The following GGNBP2 variants were observed in gnomAD, a reference collection of about 807,000 sequenced individuals.
GGNBP2 encodes the protein gametogenetin binding protein 2.
A neutral mutation model predicts 85.9 loss-of-function variants in GGNBP2; 10 were observed. That is an observed-to-expected ratio of 0.12 (90% CI 0.07 to 0.20). The LOEUF (loss-of-function observed/expected upper bound fraction) is 0.20. Among genes scored for constraint, GGNBP2 ranks in the 10% least tolerant of loss-of-function variants. The probability of loss-of-function intolerance (pLI) is 1.00; values close to 1 mark genes in which losing one functional copy is unlikely to be tolerated. For synonymous variants in GGNBP2, 287 were observed against 285.7 expected (o/e 1.00, Z -0.05); for missense variants, 595 against 857.8 (o/e 0.69, Z 3.83).
chr17:36,558,432 AAAAAAAG>A lies in GGNBP2; in HGVS notation c.428+1097_428+1103del, dbSNP rs1427397181. Among the ~76,000 whole-genome samples, 3 of 149,712 alleles carry A rather than the reference AAAAAAAG, an allele frequency of 2.0e-5. 1 individual carries two copies. ...TCCATCTCAAAAAAAAAAAAAAAAAAAAAAAAGGTAATAAAAGGTCCAGTCATATTTT... is the reference window on the plus strand; with the variant it reads ...TCCATCTCAAAAAAAAAAAAAAAAAAGTAATAAAAGGTCCAGTCATATTTT... On this transcript the variant is annotated intron_variant, in intron 4 of 13. Transcript: ENST00000613102.
intron 6 of GGNBP2, 179 bp from the exon 7 acceptor site, chr17:36,577,802 CTG>C (rs2074606822): frequency 1.6e-6 from 1 of 614,072 alleles, no homozygotes; most frequent in South Asian, 2.0e-5. Context: ...GAAGGTCTAT[CTG>C]TATTTATGCA....
chr17:36,552,532 G>A (rs935679696), intron 2 of GGNBP2, among the ~76,000 whole-genome samples: 1 of 134,496 alleles, frequency 7.4e-6, no homozygotes, highest in East Asian at 2.2e-4. Context: ...ATGTATGAAA[G>A]TGCTTATAAC....
intron 6 of GGNBP2, chr17:36,576,591 A>G (rs1255675760): frequency 1.4e-3 from 70 of 49,152 alleles, no homozygotes; most frequent in African/African-American, 5.8e-3. Context: ...AAAAATATAT[A>G]TATATGTGTG....
chr17:36,567,916 T>C (rs2074484109), intron 6 of GGNBP2, 140 bp downstream of exon 6: 2 of 486,886 alleles, frequency 4.1e-6, no homozygotes, highest in Non-Finnish European at 7.4e-6. Flanking sequence ...AGCTTAATAT[T>C]AGAGTAGGCA....
chr17:36,576,629 G>GTGTGTGTGTGTGTGTA (rs1203227585), intron 6 of GGNBP2: 207 of 110,994 alleles, frequency 1.9e-3, no homozygotes, highest in African/African-American at 6.7e-3. Context: ...GTGTGTGTGT[G>GTGTGTGTGTGTGTGTA]TATATGTATA....
chr17:36,587,950 G>C (rs1197524954), intron 13 of GGNBP2, among the ~76,000 whole-genome samples: 1 of 152,204 alleles, frequency 6.6e-6, no homozygotes, highest in Non-Finnish European at 1.5e-5. Context: ...TAGGAGAAAG[G>C]ATAGAGGTAG....
At chr17:36,588,662 C>T (rs959095946) in intron 13 of GGNBP2, among the ~76,000 whole-genome samples, 4 of 151,284 alleles carry the variant, frequency 2.6e-5, no homozygotes, top group African/African-American at 7.3e-5. Flanking sequence ...TGCAGTGGCA[C>T]GATCTTGGCT....
At chr17:36,579,121 T>A in intron 7 of GGNBP2, 124 bp from the exon 8 acceptor site, 2 of 736,398 alleles carry the variant, frequency 2.7e-6, no homozygotes, top group Non-Finnish European at 4.6e-6. Flanking sequence ...ACGTTGAGTG[T>A]AAATGTATAA....
intron 6 of GGNBP2, among the ~76,000 whole-genome samples, chr17:36,575,640 ATATATATATTTT>A (rs1484886924): frequency 6.0e-5 from 3 of 50,064 alleles, no homozygotes; most frequent in Non-Finnish European, 1.1e-4. Context: ...ATATATATAT[ATATATATATTTT>A]TTTTTTTTTT....
At position 36,567,732 on chromosome 17, in the gene GGNBP2, G is replaced by A. The variant is rs574661684; in HGVS notation, c.597G>A (p.Ser199=). 2.3e-5 allele frequency: 37 copies of A among 1,608,974 alleles called. No homozygotes were observed. The highest frequency in any genetic ancestry group is 3.0e-5 in the Non-Finnish European group (35 of 1,175,594). The change falls in exon 6 of 14, where the codon TCG becomes TCA. Residue 199 remains serine, a synonymous_variant. Coordinates refer to ENST00000613102, the MANE Select transcript of GGNBP2 (RefSeq NM_024835.5). Reference sequence around the variant, plus strand: ...GGGATGAAGTAGTTTTAATTGACTCGAGTTGTCTTTTAGAAACACTAGAAA... The same window carrying A: ...GGGATGAAGTAGTTTTAATTGACTCAAGTTGTCTTTTAGAAACACTAGAAA... ...ECRDEVVLID[S]SCLLETLETY...
chr17:36,570,864 AC>A (rs1297177227), intron 6 of GGNBP2, among the ~76,000 whole-genome samples: 1 of 152,072 alleles, frequency 6.6e-6, no homozygotes, highest in African/African-American at 2.4e-5. Flanking sequence ...TACTGAAAAT[AC>A]ATAAATTAGC....
chr17:36,548,080 C>T (rs1030539168), intron 2 of GGNBP2, among the ~76,000 whole-genome samples: 3 of 152,190 alleles, frequency 2.0e-5, no homozygotes, highest in Non-Finnish European at 4.4e-5. Flanking sequence ...CTGAAGTTAA[C>T]CTTAGGTTTT....
intron 8 of GGNBP2, 137 bp downstream of exon 8, chr17:36,579,556 A>T (rs771335831): frequency 1.4e-6 from 1 of 725,254 alleles, no homozygotes; most frequent in South Asian, 1.9e-5. Flanking sequence ...ATATTGTTAC[A>T]TGGCTTTGGG....
Position 36,588,604 on chromosome 17 carries a change from A to AT in GGNBP2, c.1891-592dup, listed in dbSNP as rs751567731. On this transcript the variant is annotated intron_variant, in intron 13 of 13. Coordinates refer to ENST00000613102, the MANE Select transcript of GGNBP2 (RefSeq NM_024835.5). Reference sequence around the variant, plus strand: ...TAAAGTTTAGTTTTAATATTTATTTATTTTTTTTTTTTGAGGAGTCTCGCT... The same window carrying AT: ...TAAAGTTTAGTTTTAATATTTATTTATTTTTTTTTTTTTGAGGAGTCTCGCT... Among the ~76,000 whole-genome samples the AT allele has an allele frequency of 7.8e-3, 1,126 of 144,894 alleles. 14 individuals carry two copies. Among genetic ancestry groups the AT allele is most frequent in the East Asian group, 0.02 (95 of 4,826 alleles).
chr17:36,579,975 A>C (rs2074629922), intron 8 of GGNBP2, among the ~76,000 whole-genome samples: 2 of 152,060 alleles, frequency 1.3e-5, no homozygotes, highest in South Asian at 4.2e-4. Context: ...ACGTCACTGC[A>C]CTCCAGCCTG....
At chr17:36,582,169 G>C (rs12949679) in intron 9 of GGNBP2, 1 of 152,010 alleles carries the variant, frequency 6.6e-6, no homozygotes, top group African/African-American at 2.4e-5. Flanking sequence ...ATGAACCACC[G>C]TGCCTGGCCT....
At chr17:36,575,747 A>G (rs1183524416) in intron 6 of GGNBP2, among the ~76,000 whole-genome samples, 3 of 147,660 alleles carry the variant, frequency 2.0e-5, no homozygotes, top group Non-Finnish European at 4.5e-5. Context: ...CCCGGGTTCA[A>G]GCAATTCTCC....
intron 13 of GGNBP2, among the ~76,000 whole-genome samples, chr17:36,588,090 C>T (rs976992054): frequency 6.6e-6 from 1 of 152,270 alleles, no homozygotes; most frequent in Admixed American, 6.5e-5. Flanking sequence ...AGGTTGCTTT[C>T]TTCTTTTAGG....
chr17:36,549,287 C>G (rs1029658611), intron 2 of GGNBP2, among the ~76,000 whole-genome samples: 14 of 152,246 alleles, frequency 9.2e-5, no homozygotes, highest in African/African-American at 3.4e-4. Context: ...ACTGCAACCT[C>G]TGCCTCTCAG....
Sources: gnomAD v4.1 joint callset for allele counts (sites outside exome capture counted in the v4.1 genomes callset) on GRCh38, gnomAD v4.1.1 for gene constraint, MANE v1.5 for transcripts, NCBI Gene and HGNC (gene_info 2026-07-23, HGNC 2026-07-21) for gene names.